HS6ST3: variants seen among roughly 807,000 people sequenced by gnomAD.
HS6ST3 encodes the protein heparan sulfate 6-O-sulfotransferase 3, also known as heparan-sulfate 6-O-sulfotransferase 3.
In HS6ST3, 12 loss-of-function variants were observed where a neutral mutation model predicts 36.7. The ratio of observed to expected loss-of-function variants is 0.33; its 90% confidence interval spans 0.21 to 0.53. The LOEUF is 0.53. Ranked by LOEUF, HS6ST3 falls within the 20% of genes least tolerant of loss-of-function variation. The pLI is 0.95. For missense variants in HS6ST3, 584 were observed against 640.9 expected (o/e 0.91, Z 0.96); for synonymous variants, 240 against 257.5 (o/e 0.93, Z 0.65).
intron 1 of HS6ST3, among the ~76,000 whole-genome samples, chr13:96,707,082 T>C (rs1875446189): frequency 6.6e-6 from 1 of 152,182 alleles, no homozygotes; most frequent in African/African-American, 2.4e-5. Context: ...GAGGCTTGGA[T>C]TGGCTATGGG....
Position 96,635,426 on chromosome 13 carries a change from C to G in HS6ST3, c.708-197064C>G, listed in dbSNP as rs572272178. On this transcript the variant is annotated intron_variant, in intron 1 of 1. Transcript: ENST00000376705. Reference sequence around the variant, plus strand: ...TTCTGCCTTAGCTTATGCTGCTCCTCCTGCCTGGAACCCACCCCCCTCTTC... The same window carrying G: ...TTCTGCCTTAGCTTATGCTGCTCCTGCTGCCTGGAACCCACCCCCCTCTTC... 8.8e-4 allele frequency among the ~76,000 whole-genome samples: 134 copies of G among 152,196 alleles called. 1 individual carries two copies. The highest frequency in any genetic ancestry group is 3.1e-3 in the African/African-American group (127 of 41,540).
At chr13:96,156,689 T>A (rs1329505577) in intron 1 of HS6ST3, among the ~76,000 whole-genome samples, 1 of 152,194 alleles carries the variant, frequency 6.6e-6, no homozygotes, top group Non-Finnish European at 1.5e-5. Context: ...ACTTTGGGTT[T>A]GTTTCTTGAC....
chr13:96,775,333 T>A (rs974437936), intron 1 of HS6ST3, among the ~76,000 whole-genome samples: 1 of 151,468 alleles, frequency 6.6e-6, no homozygotes, highest in African/African-American at 2.4e-5. Context: ...CACATAACAA[T>A]ATTGACCTTA....
At chr13:96,606,380 A>G (rs2056438700) in intron 1 of HS6ST3, among the ~76,000 whole-genome samples, 1 of 152,136 alleles carries the variant, frequency 6.6e-6, no homozygotes. Flanking sequence ...ACTATGGAAT[A>G]CTATGCAGCC....
At chr13:96,152,738 C>T (rs922194159) in intron 1 of HS6ST3, among the ~76,000 whole-genome samples, 2 of 152,000 alleles carry the variant, frequency 1.3e-5, no homozygotes, top group African/African-American at 4.8e-5. Context: ...CTTATTGTTC[C>T]CTTTCCCCAA....
chr13:96,321,175 T>C (rs971322927), intron 1 of HS6ST3, among the ~76,000 whole-genome samples: 5 of 151,774 alleles, frequency 3.3e-5, no homozygotes, highest in African/African-American at 1.2e-4. Context: ...ACGAAGACAA[T>C]AGGATATTTA....
chr13:96,692,165 A>G (rs1370680637), intron 1 of HS6ST3, among the ~76,000 whole-genome samples: 1 of 152,122 alleles, frequency 6.6e-6, no homozygotes, highest in African/African-American at 2.4e-5. Flanking sequence ...CTGCAAAATT[A>G]TGTAGCCTTG....
At chr13:96,817,171 G>C (rs534513903) in intron 1 of HS6ST3, among the ~76,000 whole-genome samples, 12 of 152,302 alleles carry the variant, frequency 7.9e-5, no homozygotes, top group Admixed American at 6.5e-5. Flanking sequence ...CTCCATGGCT[G>C]TTTGGGGGGT....
intron 1 of HS6ST3, among the ~76,000 whole-genome samples, chr13:96,509,982 A>T (rs997684369): frequency 6.6e-6 from 1 of 152,040 alleles, no homozygotes; most frequent in Admixed American, 6.6e-5. Context: ...TGAGCATGGG[A>T]TGTGTTTCCA....
intron 1 of HS6ST3, among the ~76,000 whole-genome samples, chr13:96,674,087 C>A (rs1422969456): frequency 6.6e-6 from 1 of 151,914 alleles, no homozygotes. Flanking sequence ...AATTGTAATC[C>A]CCATTGTTGG....
chr13:96,395,128 G>A (rs1337235949), intron 1 of HS6ST3, among the ~76,000 whole-genome samples: 2 of 152,002 alleles, frequency 1.3e-5, no homozygotes, highest in African/African-American at 4.8e-5. Flanking sequence ...TGCTCCAGAG[G>A]GTATTGGAGA....
chr13:96,829,277 G>T (rs1566463656), intron 1 of HS6ST3, among the ~76,000 whole-genome samples: 1 of 151,702 alleles, frequency 6.6e-6, no homozygotes, highest in Non-Finnish European at 1.5e-5. Flanking sequence ...AGAAGAAGGG[G>T]GTAAGAGCAA....
intron 1 of HS6ST3, among the ~76,000 whole-genome samples, chr13:96,714,487 G>A (rs1271627144): frequency 3.3e-5 from 5 of 152,086 alleles, no homozygotes; most frequent in Admixed American, 3.3e-4. Flanking sequence ...TAAAGTTTTA[G>A]GATGCCAAGA....
At chr13:96,539,544 A>T (rs1383343175) in intron 1 of HS6ST3, among the ~76,000 whole-genome samples, 1 of 152,022 alleles carries the variant, frequency 6.6e-6, no homozygotes, top group Non-Finnish European at 1.5e-5. Flanking sequence ...TTTAGTAGAG[A>T]CAGGGTTTCA....
chr13:96,699,769 T>C lies in HS6ST3; in HGVS notation c.708-132721T>C, dbSNP rs1875236139. Among the ~76,000 whole-genome samples, 3 of 152,348 alleles carry C rather than the reference T, an allele frequency of 2.0e-5. No homozygotes were observed. The South Asian group carries it at 6.2e-4, about 32-fold the overall frequency. ...TATATACCCAAAGGATTATAAAACA[T>C]GCTGCTATAAAGACACATGCACACA... On this transcript the variant is annotated intron_variant, in intron 1 of 1. Coordinates refer to ENST00000376705, the MANE Select transcript of HS6ST3 (RefSeq NM_153456.4).
chr13:96,671,380 G>A (rs1351312903), intron 1 of HS6ST3, among the ~76,000 whole-genome samples: 1 of 152,066 alleles, frequency 6.6e-6, no homozygotes, highest in East Asian at 1.9e-4. Context: ...CCCTTCAACT[G>A]AAGTTATGCC....
At chr13:96,119,956 T>TCTTCCAGAAAAACTTCAGAAATC (rs2053917609) in intron 1 of HS6ST3, among the ~76,000 whole-genome samples, 1 of 152,102 alleles carries the variant, frequency 6.6e-6, no homozygotes, top group Non-Finnish European at 1.5e-5. Flanking sequence ...AGAAAATCAG[T>TCTTCCAGAAAAACTTCAGAAATC]TGAAGTTCTA....
At chr13:96,653,453 T>C (rs1243068147) in intron 1 of HS6ST3, among the ~76,000 whole-genome samples, 1 of 152,082 alleles carries the variant, frequency 6.6e-6, no homozygotes, top group East Asian at 1.9e-4. Flanking sequence ...AGTGAGAACA[T>C]GTGGTGTTTG....
At chr13:96,480,280 AT>A (rs1490306374) in intron 1 of HS6ST3, among the ~76,000 whole-genome samples, 5 of 151,904 alleles carry the variant, frequency 3.3e-5, no homozygotes, top group Non-Finnish European at 5.9e-5. Context: ...CACCAGGCTA[AT>A]TTTTGTATTT....
Sources: allele counts gnomAD v4.1 joint callset (sites outside exome capture counted in the v4.1 genomes callset), GRCh38; gene constraint gnomAD v4.1.1; transcripts MANE v1.5; gene names NCBI Gene and HGNC (gene_info 2026-07-23, HGNC 2026-07-21).